Variants in OSBPL3 observed in about 807,000 individuals in gnomAD.
OSBPL3 encodes the protein oxysterol binding protein like 3, also known as oxysterol-binding protein-related protein 3.
Under a neutral mutation model 120.1 loss-of-function variants are expected in OSBPL3, and 65 were observed. That is an observed-to-expected ratio of 0.54 (90% CI 0.44 to 0.67). The LOEUF (loss-of-function observed/expected upper bound fraction) is 0.67. OSBPL3 is among the 30% of genes least tolerant of loss of function. The pLI is 0.00. For synonymous variants in OSBPL3, 416 were observed against 402.6 expected (o/e 1.03, Z -0.40); for missense variants, 1,004 against 1,082.1 (o/e 0.93, Z 1.01).
intron 14 of OSBPL3, among the ~76,000 whole-genome samples, chr7:24,837,312 T>C (rs1319534845): frequency 6.6e-6 from 1 of 152,108 alleles, no homozygotes; most frequent in Non-Finnish European, 1.5e-5. Context: ...TAAACAATTG[T>C]TCCACCTCAG....
chr7:24,834,842 T>C lies in OSBPL3; in HGVS notation c.1496-106A>G. 1.0e-6 allele frequency: 1 copy of C among 998,754 alleles called. No individual in the cohort carries two copies. The highest frequency in any genetic ancestry group is 3.0e-5 in the Admixed American group (1 of 33,488). The allele number at this position is 998,754 out of a possible 1,614,324, so 61.9% of individuals were successfully genotyped here. Reference sequence around the variant, plus strand: ...CGTAGCAAGTAGTCAATGTTACTATTAAACTCAGTTGTTCAGAGTATGGCT... The same window carrying C: ...CGTAGCAAGTAGTCAATGTTACTATCAAACTCAGTTGTTCAGAGTATGGCT... On this transcript the variant is annotated intron_variant, in intron 14 of 22. Transcript: ENST00000313367. This position sits in a 1 kb window ranked among gnomAD's most constrained non-coding sequence, Gnocchi z 5.2.
chr7:24,800,559 C>T (rs993530370), intron 22 of OSBPL3, among the ~76,000 whole-genome samples: 1 of 147,790 alleles, frequency 6.8e-6, no homozygotes, highest in Non-Finnish European at 1.5e-5. Flanking sequence ...CAGGTTCAAT[C>T]GATTCTCCTG....
chr7:24,892,890 A>G (rs563566246), intron 1 of OSBPL3, among the ~76,000 whole-genome samples: 2 of 152,342 alleles, frequency 1.3e-5, no homozygotes, highest in African/African-American at 4.8e-5. Context: ...CAGTACTATA[A>G]AAAATCTTAA....
intron 1 of OSBPL3, among the ~76,000 whole-genome samples, chr7:24,893,220 C>T (rs772046970): frequency 1.3e-5 from 2 of 152,100 alleles, no homozygotes; most frequent in African/African-American, 2.4e-5. Context: ...GTGGAAAGAA[C>T]CCAAATGTCC....
chr7:24,896,245 A>T lies in OSBPL3; in HGVS notation c.-149-3624T>A, dbSNP rs866923361. 1.3e-5 allele frequency among the ~76,000 whole-genome samples: 2 copies of T among 152,218 alleles called. No homozygotes were observed. Among genetic ancestry groups the T allele is most frequent in the African/African-American group, 2.4e-5 (1 of 41,440 alleles). On this transcript the variant is annotated intron_variant, in intron 1 of 22. Transcript: ENST00000313367. The surrounding 1 kb of genome is among the most constrained non-coding windows in gnomAD (Gnocchi z 4.4). ...AACTTATGGCCCTTTCCTTCCTCTA[A>T]ATCACAGAGGCCACCAAAACCAACA...
chr7:24,874,359 C>A (rs1473862462), intron 2 of OSBPL3, among the ~76,000 whole-genome samples: 1 of 152,162 alleles, frequency 6.6e-6, no homozygotes, highest in East Asian at 1.9e-4. Context: ...GCAGAAGCAA[C>A]CTGCAGAGCA....
At chr7:24,979,804 A>G in intron 1 of OSBPL3, 82 bp downstream of exon 1, 1 of 675,730 alleles carries the variant, frequency 1.5e-6, no homozygotes, top group Non-Finnish European at 1.8e-6. Context: ...GGCGCCCCGC[A>G]AACAGCAGCC....
intron 1 of OSBPL3, among the ~76,000 whole-genome samples, chr7:24,923,052 A>G (rs569842428): frequency 4.4e-4 from 67 of 152,296 alleles, no homozygotes; most frequent in African/African-American, 1.6e-3. Flanking sequence ...CAACACACAC[A>G]CAGAATCAGA....
chr7:24,939,081 A>G lies in OSBPL3; in HGVS notation c.-150+40805T>C, dbSNP rs960133952. ...AACAGTTAAGATAGCCCAAGGAATC[A>G]GCACTGAGCAAGAAGAGATGGTGAG... is the stretch of plus-strand genomic sequence containing the variant. On this transcript the variant is annotated intron_variant, in intron 1 of 22. Transcript: ENST00000313367. This position sits in a 1 kb window ranked among gnomAD's most constrained non-coding sequence, Gnocchi z 4.2. Among the ~76,000 whole-genome samples, 1 of 152,196 alleles carries G rather than the reference A, an allele frequency of 6.6e-6. No homozygotes were observed. The highest frequency in any genetic ancestry group is 2.4e-5 in the African/African-American group (1 of 41,458).
chr7:24,815,270 T>G lies in OSBPL3; in HGVS notation c.2028-67A>C. 6 of 1,275,576 alleles carry G rather than the reference T, an allele frequency of 4.7e-6. No homozygotes were observed. The highest frequency in any genetic ancestry group is 2.9e-5 in the African/African-American group (2 of 68,246). The allele number at this position is 1,275,576 out of a possible 1,614,324, so 79.0% of individuals were successfully genotyped here. On this transcript the variant is annotated intron_variant, in intron 18 of 22. Coordinates refer to ENST00000313367, the MANE Select transcript of OSBPL3 (RefSeq NM_015550.4). This position sits in a 1 kb window ranked among gnomAD's most constrained non-coding sequence, Gnocchi z 5.1. The stretch of plus-strand genomic sequence containing the variant: ...GCCAGCAGCAAATGCAAACAAACTC[T>G]GCTCTTTTATAAAATAAGTCATGCA...
Position 24,824,602 on chromosome 7 carries a change from T to C in OSBPL3, c.1885-4364A>G, listed in dbSNP as rs1045898367. Reference sequence around the variant, plus strand: ...CAAGTGGCCATTCTTTCCAGGTCACTCATCAAGTACTTATTGATTGCCTGT... The same window carrying C: ...CAAGTGGCCATTCTTTCCAGGTCACCCATCAAGTACTTATTGATTGCCTGT... On this transcript the variant is annotated intron_variant, in intron 16 of 22. Transcript: ENST00000313367. This position sits in a 1 kb window ranked among gnomAD's most constrained non-coding sequence, Gnocchi z 4.9. Among the ~76,000 whole-genome samples, 4 of 152,188 alleles carry C rather than the reference T, an allele frequency of 2.6e-5. No homozygotes were observed. Among genetic ancestry groups the C allele is most frequent in the Non-Finnish European group, 5.9e-5 (4 of 68,032 alleles).
rs1043542298 is a variant in OSBPL3, at chr7:24,921,156, T to C, written c.-149-28535A>G. Among the ~76,000 whole-genome samples, 9 of 152,316 alleles carry C rather than the reference T, an allele frequency of 5.9e-5. No individual in the cohort carries two copies. In the East Asian group the frequency reaches 1.3e-3, roughly 23 times the overall value. ...AACTCTGAAACAATTGGTTGATCTTTGCTCTATATGCTTGCTTTACATTTA... is the reference window on the plus strand; with the variant it reads ...AACTCTGAAACAATTGGTTGATCTTCGCTCTATATGCTTGCTTTACATTTA... On this transcript the variant is annotated intron_variant, in intron 1 of 22. Coordinates refer to ENST00000313367, the MANE Select transcript of OSBPL3 (RefSeq NM_015550.4).
At chr7:24,962,947 T>TA (rs1815956188) in intron 1 of OSBPL3, among the ~76,000 whole-genome samples, 2 of 152,216 alleles carry the variant, frequency 1.3e-5, no homozygotes, top group African/African-American at 4.8e-5. Context: ...TCAATTATAA[T>TA]AAAAAGTTTT....
chr7:24,965,121 T>C lies in OSBPL3; in HGVS notation c.-150+14765A>G, dbSNP rs1438688543. 6.6e-6 allele frequency among the ~76,000 whole-genome samples: 1 copy of C among 152,240 alleles called. No individual in the cohort carries two copies. The highest frequency in any genetic ancestry group is 1.9e-4 in the East Asian group (1 of 5,200). On this transcript the variant is annotated intron_variant, in intron 1 of 22. Coordinates refer to ENST00000313367, the MANE Select transcript of OSBPL3 (RefSeq NM_015550.4). This position sits in a 1 kb window ranked among gnomAD's most constrained non-coding sequence, Gnocchi z 4.3. Reference sequence around the variant, plus strand: ...TATTCAACAATAAGTATGTGCTCTGTATTATGTCTTCAAAAAATATTTACT... The same window carrying C: ...TATTCAACAATAAGTATGTGCTCTGCATTATGTCTTCAAAAAATATTTACT...
intron 1 of OSBPL3, among the ~76,000 whole-genome samples, chr7:24,923,338 T>G (rs1048149323): frequency 1.3e-5 from 2 of 152,208 alleles, no homozygotes; most frequent in African/African-American, 4.8e-5. Context: ...CTGTGCCTCA[T>G]GTCTCCCTGT....
At chr7:24,914,198 G>C (rs1054703583) in intron 1 of OSBPL3, among the ~76,000 whole-genome samples, 1 of 151,928 alleles carries the variant, frequency 6.6e-6, no homozygotes, top group Non-Finnish European at 1.5e-5. Context: ...CAACTCTTAA[G>C]GCTGGAATGA....
chr7:24,894,173 AT>A lies in OSBPL3; in HGVS notation c.-149-1553del, dbSNP rs1805786372. 1.3e-5 allele frequency among the ~76,000 whole-genome samples: 2 copies of A among 152,344 alleles called. No homozygotes were observed. Among genetic ancestry groups the A allele is most frequent in the South Asian group, 2.1e-4 (1 of 4,824 alleles). On this transcript the variant is annotated intron_variant, in intron 1 of 22. Transcript: ENST00000313367. This position sits in a 1 kb window ranked among gnomAD's most constrained non-coding sequence, Gnocchi z 4.1. ...GTTCTTCAAAAATAAAAAAGAGTAC[AT>A]TAAAGCAATAAGCTAGAATCAAAAC...
At chr7:24,828,608 A>AG (rs1286231729) in intron 16 of OSBPL3, among the ~76,000 whole-genome samples, 3,926 of 123,488 alleles carry the variant, frequency 0.032, 386 homozygotes, top group African/African-American at 0.12. Flanking sequence ...CTCTGTCTGA[A>AG]AAAAAAAAAA....
At chr7:24,837,562 C>T (rs1797163902) in intron 14 of OSBPL3, among the ~76,000 whole-genome samples, 2 of 152,154 alleles carry the variant, frequency 1.3e-5, no homozygotes, top group African/African-American at 4.8e-5. Context: ...TTTGATTACA[C>T]TAATCTGAAT....
Sources: gnomAD v4.1 joint callset for allele counts (sites outside exome capture counted in the v4.1 genomes callset) on GRCh38, gnomAD v4.1.1 for gene constraint, Gnocchi (gnomAD v3.1) non-coding constraint, MANE v1.5 for transcripts, NCBI Gene and HGNC (gene_info 2026-07-23, HGNC 2026-07-21) for gene names.